Variants in PCDHGA1 observed in about 807,000 individuals in gnomAD.
PCDHGA1 encodes the protein protocadherin gamma subfamily A, 1.
A neutral mutation model predicts 58.0 loss-of-function variants in PCDHGA1; 32 were observed. That is an observed-to-expected ratio of 0.55 (90% CI 0.42 to 0.74). PCDHGA1 has a LOEUF of 0.74. Among genes scored for constraint, PCDHGA1 ranks in the 30% least tolerant of loss-of-function variants. The pLI is 0.00. For missense variants in PCDHGA1, 1,205 were observed against 1,182.3 expected (o/e 1.02, Z -0.28); for synonymous variants, 498 against 501.1 (o/e 0.99, Z 0.08).
chr5:141,423,169 C>T (rs747206648), intron 1 of PCDHGA1: 4 of 1,613,460 alleles, frequency 2.5e-6, no homozygotes, highest in Admixed American at 3.3e-5. Flanking sequence ...GGTGGCCGTC[C>T]AGGACCACGG....
At chr5:141,472,994 A>AAAG (rs2099310386) in intron 1 of PCDHGA1, among the ~76,000 whole-genome samples, 1 of 151,692 alleles carries the variant, frequency 6.6e-6, no homozygotes, top group Non-Finnish European at 1.5e-5. Flanking sequence ...AAAAAAAAAA[A>AAAG]AAAGAAAGAA....
At chr5:141,337,192 A>G (rs1300059848) in intron 1 of PCDHGA1, among the ~76,000 whole-genome samples, 1 of 152,244 alleles carries the variant, frequency 6.6e-6, no homozygotes, top group African/African-American at 2.4e-5. Context: ...AAATGACACA[A>G]CTGCTGTGGA....
chr5:141,394,613 G>A (rs1402834373), intron 1 of PCDHGA1: 1 of 1,613,570 alleles, frequency 6.2e-7, no homozygotes, highest in Admixed American at 1.7e-5. Context: ...ACTCGGGCCA[G>A]AACGCCTGGC....
intron 1 of PCDHGA1, chr5:141,398,766 T>C (rs775055352): frequency 6.2e-6 from 10 of 1,613,844 alleles, no homozygotes; most frequent in Non-Finnish European, 7.6e-6. Flanking sequence ...TAGTCCTGAC[T>C]GCCTTGGACG....
chr5:141,438,685 G>A (rs2098051190), intron 1 of PCDHGA1, among the ~76,000 whole-genome samples: 1 of 143,314 alleles, frequency 7.0e-6, no homozygotes, highest in Non-Finnish European at 1.5e-5. Context: ...GTAGGGGATG[G>A]AGTCTTGCTC....
intron 1 of PCDHGA1, chr5:141,409,394 T>C: frequency 1.9e-6 from 3 of 1,614,008 alleles, no homozygotes; most frequent in Non-Finnish European, 2.5e-6. Flanking sequence ...TTATTCTTCT[T>C]CCAATAACTA....
rs764538527 is a variant in PCDHGA1 at position 141,361,272 on chromosome 5, T to A, written c.2421+28167T>A. 6 of 1,613,890 alleles carry A rather than the reference T, an allele frequency of 3.7e-6. No individual in the cohort carries two copies. In the South Asian group the frequency reaches 6.6e-5, roughly 18 times the overall value. On this transcript the variant is annotated intron_variant, in intron 1 of 3. Transcript: ENST00000517417. ...CGAGAGACAGAGACTCTGGAGAAAA[T>A]GGAGAAGTTTACTGCCAAGTGTTGG...
intron 1 of PCDHGA1, chr5:141,478,822 T>C: frequency 4.2e-6 from 6 of 1,444,070 alleles, no homozygotes; most frequent in Non-Finnish European, 5.5e-6. Flanking sequence ...AACTAACCAA[T>C]CTTGCTAAGG....
At chr5:141,349,996 A>G (rs1758386026) in intron 1 of PCDHGA1, 1 of 329,726 alleles carries the variant, frequency 3.0e-6, no homozygotes, top group Non-Finnish European at 5.5e-6. Flanking sequence ...CTTTGAGGAT[A>G]AAAAGCTGGG....
intron 1 of PCDHGA1, chr5:141,395,206 A>G (rs773754361): frequency 1.2e-6 from 2 of 1,613,736 alleles, no homozygotes; most frequent in South Asian, 1.1e-5. Context: ...GTAGATTTTC[A>G]TGAATATAAG....
At chr5:141,424,215 G>T in intron 1 of PCDHGA1, 1 of 167,104 alleles carries the variant, frequency 6.0e-6, no homozygotes. Flanking sequence ...TTTTCTCTGA[G>T]CAATTTTATT....
intron 1 of PCDHGA1, among the ~76,000 whole-genome samples, chr5:141,346,850 C>A (rs1757816176): frequency 6.6e-6 from 1 of 152,170 alleles, no homozygotes; most frequent in Non-Finnish European, 1.5e-5. Flanking sequence ...CATTTTAAAT[C>A]CCTGTGCTTT....
chr5:141,398,497 G>A, intron 1 of PCDHGA1: 1 of 1,570,856 alleles, frequency 6.4e-7, no homozygotes, highest in Non-Finnish European at 8.6e-7. Context: ...TGTGGAGATC[G>A]AGGACATTAA....
In PCDHGA1 at chr5:141,489,307, T is replaced by A; in HGVS notation, c.2422-5500T>A. On this transcript the variant is annotated intron_variant, in intron 1 of 3. Transcript: ENST00000517417. The surrounding 1 kb of genome is among the most constrained non-coding windows in gnomAD (Gnocchi z 4.5). ...AGTGCTGTGCATGTTGTCCTTGTGCTGCTGGGGCTGGGTGTCTGGGCAGCT... is the reference window on the plus strand; with the variant it reads ...AGTGCTGTGCATGTTGTCCTTGTGCAGCTGGGGCTGGGTGTCTGGGCAGCT... The A allele has an allele frequency of 6.3e-7, 1 of 1,591,138 alleles. No individual in the cohort carries two copies. The highest frequency in any genetic ancestry group is 8.6e-7 in the Non-Finnish European group (1 of 1,168,222).
intron 1 of PCDHGA1, among the ~76,000 whole-genome samples, chr5:141,483,834 A>G (rs2154580001): frequency 6.6e-6 from 1 of 152,212 alleles, no homozygotes; most frequent in South Asian, 2.1e-4. Flanking sequence ...CTAGGTAAGG[A>G]CTTGGTTGAA....
intron 1 of PCDHGA1, chr5:141,409,213 C>A (rs1379007048): frequency 6.2e-7 from 1 of 1,613,994 alleles, no homozygotes; most frequent in East Asian, 2.2e-5. Context: ...TCATAGAAAT[C>A]CTTGATGAAA....
At chr5:141,497,464 T>G (rs1277760390) in intron 2 of PCDHGA1, among the ~76,000 whole-genome samples, 1 of 151,764 alleles carries the variant, frequency 6.6e-6, no homozygotes, top group Non-Finnish European at 1.5e-5. Flanking sequence ...CTTGGAGATA[T>G]GGAGGAGAAG....
At chr5:141,427,838 C>T (rs978867590) in intron 1 of PCDHGA1, 4 of 1,546,186 alleles carry the variant, frequency 2.6e-6, no homozygotes, top group Non-Finnish European at 1.8e-6. Flanking sequence ...AGCGTGCCTT[C>T]GACCACGAGC....
At position 141,489,378 on chromosome 5, in the gene PCDHGA1, G is replaced by A. The variant is rs1562129701; in HGVS notation, c.2422-5429G>A. ...AGTCTGAGCCGGGGACGCTGGTGGGGAATGTTGCTCAGGATCTGGGCTTAA... is the reference window on the plus strand; with the variant it reads ...AGTCTGAGCCGGGGACGCTGGTGGGAAATGTTGCTCAGGATCTGGGCTTAA... On this transcript the variant is annotated intron_variant, in intron 1 of 3. Coordinates refer to ENST00000517417, the MANE Select transcript of PCDHGA1 (RefSeq NM_018912.3). The surrounding 1 kb of genome is among the most constrained non-coding windows in gnomAD (Gnocchi z 4.5). 1.2e-6 allele frequency: 2 copies of A among 1,613,908 alleles called. No homozygotes were observed. The highest frequency in any genetic ancestry group is 3.3e-5 in the Admixed American group (2 of 60,026).
Sources: gnomAD v4.1 joint callset for allele counts (sites outside exome capture counted in the v4.1 genomes callset) on GRCh38, gnomAD v4.1.1 for gene constraint, Gnocchi (gnomAD v3.1) non-coding constraint, MANE v1.5 for transcripts, NCBI Gene and HGNC (gene_info 2026-07-23, HGNC 2026-07-21) for gene names.